The following PCSK5 variants were observed in gnomAD, a reference collection of about 807,000 sequenced individuals.
PCSK5 encodes prohormone convertase 5.
PCSK5 carries 129 observed loss-of-function variants against 233.2 expected under a neutral mutation model. The ratio of observed to expected loss-of-function variants is 0.55; its 90% confidence interval spans 0.48 to 0.64. PCSK5 has a LOEUF of 0.64. Among genes scored for constraint, PCSK5 ranks in the 30% least tolerant of loss-of-function variants. PCSK5 has a pLI of 0.00. For missense variants in PCSK5, 2,076 were observed against 2,430.1 expected (o/e 0.85, Z 3.06); for synonymous variants, 825 against 879.2 (o/e 0.94, Z 1.09).
intron 2 of PCSK5, among the ~76,000 whole-genome samples, chr9:75,972,915 C>G (rs1418656347): frequency 6.6e-6 from 1 of 152,130 alleles, no homozygotes; most frequent in African/African-American, 2.4e-5. Flanking sequence ...AAGATGTGCT[C>G]CCCTAACCTA....
At chr9:76,215,693 A>G (rs1825500152) in intron 20 of PCSK5, among the ~76,000 whole-genome samples, 1 of 152,108 alleles carries the variant, frequency 6.6e-6, no homozygotes, top group African/African-American at 2.4e-5. Context: ...AGACCAAGGC[A>G]GGCAGGCGAT....
chr9:76,199,004 A>T (rs147692170), intron 20 of PCSK5, among the ~76,000 whole-genome samples: 26 of 152,354 alleles, frequency 1.7e-4, no homozygotes, highest in African/African-American at 5.5e-4. Context: ...AACTGCAAAG[A>T]TCAAAATCAA....
intron 24 of PCSK5, among the ~76,000 whole-genome samples, chr9:76,275,137 T>C (rs1433408236): frequency 6.6e-6 from 1 of 152,202 alleles, no homozygotes; most frequent in African/African-American, 2.4e-5. Flanking sequence ...ATTGTTTTTA[T>C]ACCTATTTGA....
intron 2 of PCSK5, among the ~76,000 whole-genome samples, chr9:75,976,274 C>CCACACACACACA (rs10562995): frequency 1.8e-4 from 25 of 141,586 alleles, no homozygotes; most frequent in African/African-American, 5.7e-4. Context: ...CACACAGACA[C>CCACACACACACA]CACACACACA....
At chr9:76,093,140 C>G (rs1442869019) in intron 7 of PCSK5, among the ~76,000 whole-genome samples, 1 of 143,364 alleles carries the variant, frequency 7.0e-6, no homozygotes. Context: ...TGTCACTCAG[C>G]CTGGAGGGCA....
At chr9:76,154,247 T>C (rs1823792151) in intron 10 of PCSK5, among the ~76,000 whole-genome samples, 1 of 152,196 alleles carries the variant, frequency 6.6e-6, no homozygotes, top group South Asian at 2.1e-4. Flanking sequence ...GAGCATCTAC[T>C]TTGAGTGTTT....
intron 5 of PCSK5, among the ~76,000 whole-genome samples, chr9:76,034,529 G>A (rs997201638): frequency 2.0e-5 from 3 of 151,498 alleles, no homozygotes; most frequent in South Asian, 2.1e-4. Context: ...TCCTCCATTC[G>A]TCAGGATTTG....
intron 1 of PCSK5, among the ~76,000 whole-genome samples, chr9:75,920,346 T>C (rs76064002): frequency 0.017 from 2,603 of 152,180 alleles, 36 homozygotes; most frequent in South Asian, 0.034. Flanking sequence ...GCTGGAGTGC[T>C]GTGGTGATCA....
At chr9:76,027,841 T>C (rs1033665588) in intron 5 of PCSK5, among the ~76,000 whole-genome samples, 1 of 152,212 alleles carries the variant, frequency 6.6e-6, no homozygotes, top group African/African-American at 2.4e-5. Flanking sequence ...TTAGATACTT[T>C]CATTTGAATT....
intron 24 of PCSK5, among the ~76,000 whole-genome samples, chr9:76,249,255 A>C (rs1312368490): frequency 6.6e-6 from 1 of 152,184 alleles, no homozygotes; most frequent in Non-Finnish European, 1.5e-5. Flanking sequence ...GCTCCCCCAC[A>C]ACAAAGAAAT....
Position 76,297,025 on chromosome 9 carries a change from T to G in PCSK5, c.3523+160T>G, listed in dbSNP as rs377053615. On this transcript the variant is annotated intron_variant, in intron 27 of 37. Coordinates refer to ENST00000674117, the MANE Select transcript of PCSK5 (RefSeq NM_001372043.1). ...AGTTGGGATCGTTCCTGAGTCTCTCTGATGCTTGCAGTAGGAGTGGGTAGG... is the reference window on the plus strand; with the variant it reads ...AGTTGGGATCGTTCCTGAGTCTCTCGGATGCTTGCAGTAGGAGTGGGTAGG... 3.1e-4 allele frequency among the ~76,000 whole-genome samples: 47 copies of G among 152,302 alleles called. No individual in the cohort carries two copies. In the South Asian group the frequency reaches 9.1e-3, roughly 30 times the overall value.
At chr9:76,295,103 G>A (rs924968140) in intron 25 of PCSK5, among the ~76,000 whole-genome samples, 172 bp from the exon 26 acceptor site, 2 of 152,060 alleles carry the variant, frequency 1.3e-5, no homozygotes, top group Non-Finnish European at 2.9e-5. Flanking sequence ...GCAGTGAGCC[G>A]AGATCGACCA....
intron 21 of PCSK5, among the ~76,000 whole-genome samples, chr9:76,231,464 T>A (rs1826076884): frequency 6.6e-6 from 1 of 152,222 alleles, no homozygotes; most frequent in Non-Finnish European, 1.5e-5. Context: ...GTACTTCACA[T>A]CCCTTTCTCA....
chr9:76,134,233 C>T lies in PCSK5; in HGVS notation c.1312+21C>T. ...TAAGGGTGAGAACTTCTTTCATATT[C>T]TGTCACAGGCAAAATATTTTTATTT... On this transcript the variant is annotated intron_variant, in intron 10 of 37. Coordinates refer to ENST00000674117, the MANE Select transcript of PCSK5 (RefSeq NM_001372043.1). The T allele has an allele frequency of 2.9e-6, 4 of 1,369,112 alleles. No individual in the cohort carries two copies. The Admixed American group carries it at 6.0e-5, about 21-fold the overall frequency. The allele number at this position is 1,369,112 out of a possible 1,614,324, so 84.8% of individuals were successfully genotyped here. A position where few individuals can be genotyped will look rare whatever the true frequency, so the allele number is the denominator to read the frequency against.
At chr9:76,015,046 A>G (rs1035403367) in intron 3 of PCSK5, among the ~76,000 whole-genome samples, 1 of 152,166 alleles carries the variant, frequency 6.6e-6, no homozygotes, top group Non-Finnish European at 1.5e-5. Flanking sequence ...GTGATCTGAT[A>G]TCTGCAAGAT....
At chr9:76,335,303 G>A (rs543344672) in intron 34 of PCSK5, among the ~76,000 whole-genome samples, 1 of 152,242 alleles carries the variant, frequency 6.6e-6, no homozygotes, top group Admixed American at 6.5e-5. Flanking sequence ...AGTTCCCCAG[G>A]GCTGGTGGGG....
chr9:76,162,450 A>C (rs1242202664), intron 12 of PCSK5, among the ~76,000 whole-genome samples: 1 of 152,114 alleles, frequency 6.6e-6, no homozygotes, highest in Non-Finnish European at 1.5e-5. Flanking sequence ...GAACAAGGGC[A>C]CAGAAAGGGG....
At chr9:76,291,538 TA>T (rs567282247) in intron 24 of PCSK5, among the ~76,000 whole-genome samples, 1 of 152,286 alleles carries the variant, frequency 6.6e-6, no homozygotes, top group East Asian at 1.9e-4. Context: ...TCTTAATAGC[TA>T]GATCTGAGAG....
At chr9:76,028,394 CAT>C (rs1447928412) in intron 5 of PCSK5, among the ~76,000 whole-genome samples, 7 of 152,152 alleles carry the variant, frequency 4.6e-5, no homozygotes, top group African/African-American at 1.7e-4. Context: ...CCTCCCCAGA[CAT>C]ATGGAGATCA....
Sources: allele counts gnomAD v4.1 joint callset (sites outside exome capture counted in the v4.1 genomes callset), GRCh38; gene constraint gnomAD v4.1.1; transcripts MANE v1.5; gene names NCBI Gene and HGNC (gene_info 2026-07-23, HGNC 2026-07-21).